Variants in TLN2 observed in about 807,000 individuals in gnomAD.
TLN2 encodes the protein talin-2.
Under a neutral mutation model 294.7 loss-of-function variants are expected in TLN2, and 118 were observed. That is an observed-to-expected ratio of 0.40 (90% CI 0.34 to 0.47). The LOEUF (loss-of-function observed/expected upper bound fraction) is 0.47. Among genes scored for constraint, TLN2 ranks in the 20% least tolerant of loss-of-function variants. The pLI is 0.84. For missense variants in TLN2, 3,083 were observed against 3,282.2 expected (o/e 0.94, Z 1.48); for synonymous variants, 1,431 against 1,304.5 (o/e 1.10, Z -2.09).
intron 1 of TLN2, among the ~76,000 whole-genome samples, chr15:62,455,752 C>T (rs1164074789): frequency 1.3e-5 from 2 of 152,204 alleles, no homozygotes; most frequent in Non-Finnish European, 2.9e-5. Flanking sequence ...CTCTGGGACT[C>T]CATATGCCTT....
intron 1 of TLN2, among the ~76,000 whole-genome samples, chr15:62,431,506 C>T (rs1264931726): frequency 2.0e-5 from 3 of 152,128 alleles, no homozygotes; most frequent in South Asian, 2.1e-4. Context: ...GAACAGGTAA[C>T]GGTAAATGTG....
chr15:62,579,921 A>G (rs1381781771), intron 1 of TLN2, among the ~76,000 whole-genome samples: 1 of 152,172 alleles, frequency 6.6e-6, no homozygotes, highest in South Asian at 2.1e-4. Flanking sequence ...CAGTTCTAGC[A>G]GCGTGGAGCC....
chr15:62,727,067 C>T lies in TLN2; in HGVS notation c.3256-20C>T, dbSNP rs2060479356. ...GTTCCTTTTCTTCTACGTTCTTTCC[C>T]TCCTTGAATATTCTTGTAGCTGGAA... On this transcript the variant is annotated intron_variant, in intron 27 of 58. Transcript: ENST00000636159. 4 of 1,611,686 alleles carry T rather than the reference C, an allele frequency of 2.5e-6. No homozygotes were observed. The highest frequency in any genetic ancestry group is 1.1e-5 in the South Asian group (1 of 90,828).
At chr15:62,706,406 GC>G (rs1217851366) in intron 19 of TLN2, among the ~76,000 whole-genome samples, 3 of 152,354 alleles carry the variant, frequency 2.0e-5, no homozygotes, top group Admixed American at 1.3e-4. Context: ...CCATCTTATA[GC>G]TAGTGTATTT....
At chr15:62,702,435 A>G (rs879620425) in intron 18 of TLN2, among the ~76,000 whole-genome samples, 26 of 152,254 alleles carry the variant, frequency 1.7e-4, no homozygotes, top group Admixed American at 1.7e-3. Flanking sequence ...ATGCAGCTAC[A>G]GGAACTTAAC....
At chr15:62,769,024 T>A (rs577404470) in intron 41 of TLN2, among the ~76,000 whole-genome samples, 3 of 152,362 alleles carry the variant, frequency 2.0e-5, no homozygotes, top group Non-Finnish European at 4.4e-5. Flanking sequence ...GCTGAAGTCC[T>A]TCATGGCCCA....
At chr15:62,707,844 C>T (rs542033375) in intron 20 of TLN2, among the ~76,000 whole-genome samples, 1 of 151,928 alleles carries the variant, frequency 6.6e-6, no homozygotes, top group South Asian at 2.1e-4. Context: ...CCATCTGCCT[C>T]CAAATACGCT....
intron 1 of TLN2, among the ~76,000 whole-genome samples, chr15:62,410,267 G>A (rs1220718391): frequency 1.3e-5 from 2 of 151,886 alleles, no homozygotes; most frequent in East Asian, 3.9e-4. Context: ...AAAAAAAAAG[G>A]GAGCTAAAGT....
chr15:62,676,960 T>C (rs1019253702), intron 11 of TLN2, among the ~76,000 whole-genome samples: 1 of 152,206 alleles, frequency 6.6e-6, no homozygotes, highest in Non-Finnish European at 1.5e-5. Flanking sequence ...ATCCATTGAT[T>C]CAGTGGGGGC....
intron 10 of TLN2, among the ~76,000 whole-genome samples, chr15:62,674,585 TC>T (rs201506718): frequency 2.8e-5 from 4 of 144,058 alleles, no homozygotes; most frequent in Admixed American, 7.1e-5. Flanking sequence ...CCTCCGTACC[TC>T]CCCCCGCCCT....
chr15:62,633,997 C>G (rs956408739), intron 3 of TLN2, among the ~76,000 whole-genome samples: 2 of 152,126 alleles, frequency 1.3e-5, no homozygotes, highest in African/African-American at 4.8e-5. Flanking sequence ...CAAATTTCTC[C>G]TTCTTATAAG....
In TLN2 at chr15:62,644,466, GTTCAA is replaced by G. The variant is rs771245232; in HGVS notation, c.-36-2805_-36-2801del. Reference sequence around the variant, plus strand: ...CACCCAGTTCTCTCTCCATCTTTGCGTTCAATTCTATATTCCACCTCTCCACTGAA... The same window carrying G: ...CACCCAGTTCTCTCTCCATCTTTGCGTTCTATATTCCACCTCTCCACTGAA... On this transcript the variant is annotated intron_variant, in intron 3 of 58. Coordinates refer to ENST00000636159, the MANE Select transcript of TLN2 (RefSeq NM_015059.3). The G allele has an allele frequency of 4.2e-4, 193 of 455,624 alleles. 2 individuals are homozygous for G. In the Middle Eastern group the frequency reaches 6.1e-3, roughly 15 times the overall value. The allele number at this position is 455,624 out of a possible 1,614,324, so 28.2% of individuals were successfully genotyped here.
At chr15:62,702,886 A>T in intron 19 of TLN2, 22 bp downstream of exon 19, 1 of 1,607,264 alleles carries the variant, frequency 6.2e-7, no homozygotes, top group Non-Finnish European at 8.5e-7. Flanking sequence ...GCAGGCTTAT[A>T]GTCATGGAAA....
intron 19 of TLN2, 97 bp from the exon 20 acceptor site, chr15:62,706,981 TACTGAAGG>T: frequency 7.4e-7 from 1 of 1,349,210 alleles, no homozygotes; most frequent in Non-Finnish European, 9.9e-7. Context: ...ACTTCTAAAG[TACTGAAGG>T]AAAAAGATCA....
chr15:62,700,641 G>C (rs1037587080), intron 16 of TLN2, among the ~76,000 whole-genome samples: 1 of 152,100 alleles, frequency 6.6e-6, no homozygotes. Flanking sequence ...GACAATGCAC[G>C]TTGTAAGCAA....
At chr15:62,808,238 C>T (rs1321045676) in intron 51 of TLN2, among the ~76,000 whole-genome samples, 1 of 152,156 alleles carries the variant, frequency 6.6e-6, no homozygotes, top group African/African-American at 2.4e-5. Context: ...ATTTGCACAT[C>T]TGTATATTAG....
At chr15:62,833,656 G>A (rs751525347) in intron 55 of TLN2, 27 bp downstream of exon 55, 11 of 1,610,364 alleles carry the variant, frequency 6.8e-6, no homozygotes, top group Non-Finnish European at 8.5e-6. Flanking sequence ...ACCACATGCG[G>A]GACACTCAAC....
intron 2 of TLN2, among the ~76,000 whole-genome samples, chr15:62,593,180 A>T (rs1272679809): frequency 6.6e-6 from 1 of 152,180 alleles, no homozygotes; most frequent in East Asian, 1.9e-4. Flanking sequence ...TGCTTCCTTC[A>T]TTAAAAATGT....
chr15:62,439,404 C>A (rs1343744925), intron 1 of TLN2, among the ~76,000 whole-genome samples: 1 of 152,152 alleles, frequency 6.6e-6, no homozygotes, highest in African/African-American at 2.4e-5. Context: ...CCTCCGCCTC[C>A]TGGGTTCAAG....
Sources: allele counts gnomAD v4.1 joint callset (sites outside exome capture counted in the v4.1 genomes callset), GRCh38; gene constraint gnomAD v4.1.1; transcripts MANE v1.5; gene names NCBI Gene and HGNC (gene_info 2026-07-23, HGNC 2026-07-21).